Variants in PPP5C observed in about 807,000 individuals in gnomAD.
PPP5C encodes protein phosphatase 5 catalytic subunit.
In PPP5C, 21 loss-of-function variants were observed where a neutral mutation model predicts 66.7. The ratio of observed to expected loss-of-function variants is 0.31; its 90% CI spans 0.22 to 0.45. PPP5C has a LOEUF of 0.45. Ranked by LOEUF, PPP5C falls within the 20% of genes least tolerant of loss-of-function variation. The probability of loss-of-function intolerance (pLI) is 1.00; values close to 1 mark genes in which losing one functional copy is unlikely to be tolerated. For synonymous variants in PPP5C, 246 were observed against 257.4 expected, an observed-to-expected ratio of 0.96 and a Z score of 0.43; for missense variants, 464 against 675.9, an observed-to-expected ratio of 0.69 and a Z score of 3.48.
intron 2 of PPP5C, among the ~76,000 whole-genome samples, chr19:46,363,399 A>G (rs1040486943): frequency 3.6e-5 from 5 of 139,782 alleles, no homozygotes; most frequent in Non-Finnish European, 7.7e-5. Flanking sequence ...TACTCAGGTC[A>G]TGTGAACTTG....
chr19:46,350,913 C>T (rs1227086956), intron 1 of PPP5C, among the ~76,000 whole-genome samples: 1 of 152,166 alleles, frequency 6.6e-6, no homozygotes, highest in African/African-American at 2.4e-5. Context: ...GGTCCCAGGG[C>T]TCAGAGGACT....
Position 46,390,874 on chromosome 19 carries a change from C to T in PPP5C, c.*528C>T. The T allele has an allele frequency of 8.8e-7, 1 of 1,142,046 alleles. No homozygotes were observed. 70.7% of individuals were successfully genotyped at this position (1,142,046 alleles called of 1,614,324 possible). The stretch of plus-strand genomic sequence containing the variant: ...GTCAGCTTGTCTCTGGATGGTGGAG[C>T]CGAAGGAGCTGCCCGGGTTGGGTTA... On this transcript the variant is annotated 3_prime_UTR_variant, in exon 13 of 13. Transcript: ENST00000012443.
intron 1 of PPP5C, among the ~76,000 whole-genome samples, chr19:46,351,518 A>G (rs1015725513): frequency 3.3e-5 from 5 of 152,192 alleles, no homozygotes; most frequent in African/African-American, 9.7e-5. Context: ...AGAGGAGGCT[A>G]TTTGCCTGCA....
Position 46,388,847 on chromosome 19 carries a change from A to T in PPP5C, c.1355+116A>T. 1 of 1,303,064 alleles carries T rather than the reference A, an allele frequency of 7.7e-7. No homozygotes were observed. The allele number at this position is 1,303,064 out of a possible 1,614,324, so 80.7% of individuals were successfully genotyped here. On this transcript the variant is annotated intron_variant, in intron 11 of 12. Transcript: ENST00000012443. The surrounding 1 kb of genome is among the most constrained non-coding windows in gnomAD (Gnocchi z 4.9). ...AAAGACAGGCAAGAGCAGATAAAAG[A>T]ACATGACGAACACCCCCGTATGTGT...
intron 11 of PPP5C, among the ~76,000 whole-genome samples, chr19:46,389,367 ACACACACACACACACACACACACACAC>A (rs1972958083): frequency 0.014 from 30 of 2,178 alleles, no homozygotes; most frequent in Middle Eastern, 0.25. Flanking sequence ...CTCAAAACAC[ACACACACACACACACACACACACACAC>A]ACACACACAC....
In PPP5C at chr19:46,383,388, A is replaced by G; in HGVS notation, c.634-23A>G. ...GGCAGCAGCCCCTGCAGCCGGTCCC[A>G]CTGAGTCTGCCCTGCCTTCCAGATT... On this transcript the variant is annotated intron_variant, in intron 4 of 12. Coordinates refer to ENST00000012443, the MANE Select transcript of PPP5C (RefSeq NM_006247.4). The surrounding 1 kb of genome is among the most constrained non-coding windows in gnomAD (Gnocchi z 5.0). 6.2e-7 allele frequency: 1 copy of G among 1,607,014 alleles called. No individual in the cohort carries two copies. Among genetic ancestry groups the G allele is most frequent in the African/African-American group, 1.3e-5 (1 of 74,820 alleles).
intron 2 of PPP5C, among the ~76,000 whole-genome samples, chr19:46,355,969 G>A (rs1972278937): frequency 6.6e-6 from 1 of 152,100 alleles, no homozygotes; most frequent in Admixed American, 6.5e-5. Context: ...GTCAAGTGTG[G>A]GGCTGCAAGA....
At chr19:46,352,983 G>T (rs1972216665) in intron 1 of PPP5C, among the ~76,000 whole-genome samples, 1 of 152,210 alleles carries the variant, frequency 6.6e-6, no homozygotes, top group Non-Finnish European at 1.5e-5. Context: ...CTAAAGCCCT[G>T]CATGGCTCTG....
intron 2 of PPP5C, among the ~76,000 whole-genome samples, chr19:46,366,368 C>T (rs1972491447): frequency 6.6e-6 from 1 of 151,660 alleles, no homozygotes; most frequent in South Asian, 2.1e-4. Context: ...TTTTTAGAGA[C>T]AGAATTTTAC....
chr19:46,382,333 T>G (rs1208377942), intron 4 of PPP5C: 1 of 152,272 alleles, frequency 6.6e-6, no homozygotes, highest in Non-Finnish European at 1.5e-5. Flanking sequence ...TTGATTAATT[T>G]AGGTCCCTTT....
chr19:46,358,075 A>C (rs538544975), intron 2 of PPP5C, among the ~76,000 whole-genome samples: 2 of 152,198 alleles, frequency 1.3e-5, no homozygotes, highest in Non-Finnish European at 2.9e-5. Flanking sequence ...TAGTCAACAC[A>C]TGAGCATGCA....
In PPP5C at chr19:46,383,288, C is replaced by T. The variant is rs1237905125; in HGVS notation, c.634-123C>T. The T allele has an allele frequency of 4.5e-6, 7 of 1,550,008 alleles. No homozygotes were observed. In the South Asian group the frequency reaches 8.4e-5, roughly 19 times the overall value. On this transcript the variant is annotated intron_variant, in intron 4 of 12. Transcript: ENST00000012443. The surrounding 1 kb of genome is among the most constrained non-coding windows in gnomAD (Gnocchi z 5.0). ...CCCCCAGGCCTGCCCTGCCCTTTTTCTTCTCTCCCTGCTTCTCCCTCGCCC... is the reference window on the plus strand; with the variant it reads ...CCCCCAGGCCTGCCCTGCCCTTTTTTTTCTCTCCCTGCTTCTCCCTCGCCC...
In PPP5C at chr19:46,353,890, C is replaced by G. The variant is rs1431545756; in HGVS notation, c.264C>G (p.Ala88=). Residue 88 remains alanine, a synonymous_variant, in exon 2 of 13, where the codon GCC becomes GCG. Transcript: ENST00000012443. ...ACGCGCTGGGAGACGCCACGCGGGC[C>G]ATTGAGCTGGACAAGAAGTACATCA... ...YGYALGDATR[A]IELDKKYIKG... 1 of 1,606,326 alleles carries G rather than the reference C, an allele frequency of 6.2e-7. No homozygotes were observed. Among genetic ancestry groups the G allele is most frequent in the Non-Finnish European group, 8.5e-7 (1 of 1,176,744 alleles).
chr19:46,360,203 A>C (rs1006871386), intron 2 of PPP5C, among the ~76,000 whole-genome samples: 2 of 152,228 alleles, frequency 1.3e-5, no homozygotes, highest in Non-Finnish European at 2.9e-5. Flanking sequence ...GCAGCATATA[A>C]TTTAACATAA....
intron 2 of PPP5C, among the ~76,000 whole-genome samples, chr19:46,357,610 G>T (rs1972309090): frequency 6.6e-6 from 1 of 152,184 alleles, no homozygotes; most frequent in Admixed American, 6.5e-5. Context: ...TTTTGCCGGT[G>T]ATTCTGACTG....
chr19:46,371,908 C>T (rs921501756), intron 2 of PPP5C, among the ~76,000 whole-genome samples: 2 of 152,166 alleles, frequency 1.3e-5, no homozygotes, highest in African/African-American at 4.8e-5. Context: ...TGTGGGTCCA[C>T]TCCATGTGGG....
chr19:46,374,608 C>T (rs1474433448), intron 2 of PPP5C, among the ~76,000 whole-genome samples: 1 of 152,172 alleles, frequency 6.6e-6, no homozygotes, highest in South Asian at 2.1e-4. Context: ...GGATAGGGCT[C>T]CTTTCACTGG....
At chr19:46,350,766 G>A (rs1972170080) in intron 1 of PPP5C, among the ~76,000 whole-genome samples, 1 of 152,028 alleles carries the variant, frequency 6.6e-6, no homozygotes. Flanking sequence ...AAAACCACTC[G>A]CCCAAGGTCA....
rs1181799619 is a variant in PPP5C at position 46,390,861 on chromosome 19, C to G, written c.*515C>G. 3.0e-5 allele frequency: 34 copies of G among 1,140,240 alleles called. No individual in the cohort carries two copies. Among genetic ancestry groups the G allele is most frequent in the Admixed American group, 3.9e-5 (1 of 25,560 alleles). The allele number at this position is 1,140,240 out of a possible 1,614,324, so 70.6% of individuals were successfully genotyped here. A position where few individuals can be genotyped will look rare whatever the true frequency, so the allele number is the denominator to read the frequency against. On this transcript the variant is annotated 3_prime_UTR_variant, in exon 13 of 13. Transcript: ENST00000012443. ...GTCATTATCGGAAGTCAGCTTGTCT[C>G]TGGATGGTGGAGCCGAAGGAGCTGC...
Sources: allele counts gnomAD v4.1 joint callset (sites outside exome capture counted in the v4.1 genomes callset), GRCh38; gene constraint gnomAD v4.1.1; non-coding constraint Gnocchi (gnomAD v3.1); transcripts MANE v1.5; gene names NCBI Gene and HGNC (gene_info 2026-07-23, HGNC 2026-07-21).